The following MCC variants were observed in gnomAD, a reference collection of about 807,000 sequenced individuals.
The protein encoded by MCC is MCC regulator of Wnt signaling pathway, also known as colorectal mutant cancer protein.
MCC carries 90 observed loss-of-function variants against 116.2 expected under a neutral mutation model. The ratio of observed to expected loss-of-function variants is 0.77; its 90% CI spans 0.65 to 0.92. The LOEUF is 0.92. Ranked by LOEUF, MCC falls within the 40% of genes least tolerant of loss-of-function variation. The pLI, the probability that MCC is intolerant of heterozygous loss-of-function variation, is 0.00. For missense variants in MCC, 1,516 were observed against 1,312.2 expected (o/e 1.16, Z -2.40); for synonymous variants, 578 against 510.5 (o/e 1.13, Z -1.78).
intron 1 of MCC, among the ~76,000 whole-genome samples, chr5:113,385,779 C>T (rs1451775653): frequency 1.3e-5 from 2 of 152,042 alleles, no homozygotes; most frequent in Non-Finnish European, 2.9e-5. Flanking sequence ...TGAGTATTTT[C>T]CACCTTCCCA....
intron 1 of MCC, among the ~76,000 whole-genome samples, chr5:113,452,671 T>C (rs1311080810): frequency 6.6e-6 from 1 of 152,248 alleles, no homozygotes; most frequent in Non-Finnish European, 1.5e-5. Context: ...TAAGACACTA[T>C]ATTTGCAGAC....
chr5:113,334,549 C>T (rs1373741827), intron 3 of MCC, among the ~76,000 whole-genome samples: 1 of 148,162 alleles, frequency 6.7e-6, no homozygotes, highest in African/African-American at 2.5e-5. Context: ...AAAAATCAGT[C>T]TCAATCACTT....
chr5:113,253,408 G>C (rs1474140868), intron 3 of MCC, among the ~76,000 whole-genome samples: 1 of 152,150 alleles, frequency 6.6e-6, no homozygotes, highest in Non-Finnish European at 1.5e-5. Context: ...GGAGGGACTT[G>C]CAGACCCTGG....
intron 4 of MCC, 73 bp from the exon 5 acceptor site, chr5:113,143,433 G>T: frequency 6.5e-7 from 1 of 1,547,310 alleles, no homozygotes. Flanking sequence ...CAAGCTTTGT[G>T]GCCTTAAACC....
intron 1 of MCC, among the ~76,000 whole-genome samples, chr5:113,407,973 G>T (rs895434661): frequency 2.0e-5 from 3 of 152,136 alleles, no homozygotes; most frequent in African/African-American, 7.2e-5. Flanking sequence ...ACTAGGACTA[G>T]AATTTAGGTC....
intron 18 of MCC, among the ~76,000 whole-genome samples, chr5:113,027,834 T>C (rs1384314624): frequency 6.6e-6 from 1 of 152,174 alleles, no homozygotes; most frequent in Non-Finnish European, 1.5e-5. Flanking sequence ...CATGGTTGCT[T>C]GCAACATAGT....
intron 1 of MCC, among the ~76,000 whole-genome samples, chr5:113,404,238 G>A (rs1012753416): frequency 4.6e-5 from 7 of 152,106 alleles, no homozygotes; most frequent in Non-Finnish European, 1.0e-4. Context: ...CCTCTCTAAT[G>A]TTTCTTTGCA....
intron 3 of MCC, among the ~76,000 whole-genome samples, chr5:113,171,260 T>C (rs1021579538): frequency 1.3e-5 from 2 of 151,730 alleles, no homozygotes; most frequent in Non-Finnish European, 2.9e-5. Flanking sequence ...TGGGTACTTA[T>C]GAGTTTACAT....
At chr5:113,274,453 G>A (rs1474387181) in intron 3 of MCC, among the ~76,000 whole-genome samples, 2 of 152,128 alleles carry the variant, frequency 1.3e-5, no homozygotes, top group Non-Finnish European at 2.9e-5. Flanking sequence ...ACTGCCTCCC[G>A]GGTTCAAATG....
chr5:113,300,976 G>A (rs1345147351), intron 3 of MCC, among the ~76,000 whole-genome samples: 2 of 152,182 alleles, frequency 1.3e-5, no homozygotes, highest in African/African-American at 4.8e-5. Context: ...GCTCATCCCT[G>A]CATCCCATTC....
intron 3 of MCC, among the ~76,000 whole-genome samples, chr5:113,233,824 T>G (rs900080187): frequency 5.3e-4 from 81 of 152,306 alleles, no homozygotes; most frequent in African/African-American, 1.9e-3. Flanking sequence ...ACTATGAAAT[T>G]TTGTCAGTCT....
chr5:113,052,244 G>C (rs1416742261), intron 15 of MCC, among the ~76,000 whole-genome samples: 1 of 152,170 alleles, frequency 6.6e-6, no homozygotes. Context: ...ACAATGTTTG[G>C]AACAAATGAT....
intron 4 of MCC, among the ~76,000 whole-genome samples, chr5:113,145,999 G>A (rs1176859512): frequency 6.6e-6 from 1 of 152,120 alleles, no homozygotes; most frequent in Admixed American, 6.5e-5. Context: ...AAGACTCAAT[G>A]TATATTTGAA....
Position 113,049,082 on chromosome 5 carries a change from T to C in MCC, c.2655+11A>G, listed in dbSNP as rs1180226016. The C allele has an allele frequency of 4.3e-6, 7 of 1,613,890 alleles. No homozygotes were observed. Among genetic ancestry groups the C allele is most frequent in the Middle Eastern group, 1.6e-4 (1 of 6,084 alleles). On this transcript the variant is annotated intron_variant, in intron 16 of 18. Coordinates refer to ENST00000408903, the MANE Select transcript of MCC (RefSeq NM_001085377.2). ...GAGCCTAAGGGTGTCCCCAAGCCAC[T>C]CCGGCCCTACCTTGCCAGGTTTGTC... is the stretch of plus-strand genomic sequence containing the variant.
At chr5:113,186,550 G>T (rs1473161312) in intron 3 of MCC, among the ~76,000 whole-genome samples, 2 of 152,124 alleles carry the variant, frequency 1.3e-5, no homozygotes, top group African/African-American at 4.8e-5. Flanking sequence ...TATTTAACCT[G>T]CCCTGCCTGG....
rs906935461 is a variant in MCC at position 113,075,655 on chromosome 5, T to C, written c.1785-4421A>G. ...CTCTCTGTAAAACAGACCAATCAGC[T>C]CTCTGTAAAATGGACCAATCAGCAG... On this transcript the variant is annotated intron_variant, in intron 11 of 18. Coordinates refer to ENST00000408903, the MANE Select transcript of MCC (RefSeq NM_001085377.2). 7.9e-5 allele frequency among the ~76,000 whole-genome samples: 12 copies of C among 151,854 alleles called. 1 individual carries two copies. The highest frequency in any genetic ancestry group is 2.9e-4 in the African/African-American group (12 of 41,334).
At chr5:113,384,307 G>A (rs1198593575) in intron 2 of MCC, among the ~76,000 whole-genome samples, 1 of 152,184 alleles carries the variant, frequency 6.6e-6, no homozygotes, top group Non-Finnish European at 1.5e-5. Flanking sequence ...ATTGCTTTTA[G>A]GCCAGGCGCA....
At chr5:113,176,930 G>C (rs1360208852) in intron 3 of MCC, among the ~76,000 whole-genome samples, 2 of 152,122 alleles carry the variant, frequency 1.3e-5, no homozygotes, top group African/African-American at 4.8e-5. Flanking sequence ...CCTACATCTA[G>C]CCTTCTCTCT....
chr5:113,463,697 G>A (rs1025578038), intron 1 of MCC, among the ~76,000 whole-genome samples: 4 of 152,158 alleles, frequency 2.6e-5, no homozygotes, highest in African/African-American at 9.7e-5. Context: ...AGGCAGTTGG[G>A]TCAATTAGTT....
Sources: allele counts gnomAD v4.1 joint callset (sites outside exome capture counted in the v4.1 genomes callset), GRCh38; gene constraint gnomAD v4.1.1; transcripts MANE v1.5; gene names NCBI Gene and HGNC (gene_info 2026-07-23, HGNC 2026-07-21).